The following ST8SIA6 variants were observed in gnomAD, a reference collection of about 807,000 sequenced individuals.
The protein encoded by ST8SIA6 is ST8 alpha-N-acetyl-neuraminide alpha-2,8-sialyltransferase 6, also known as alpha-2,8-sialyltransferase 8F.
A neutral mutation model predicts 33.6 loss-of-function variants in ST8SIA6; 39 were observed. The ratio of observed to expected loss-of-function variants is 1.16; its 90% CI spans 0.90 to 1.52. ST8SIA6 has a LOEUF of 1.52. Ranked by LOEUF, ST8SIA6 falls within the 40% of genes most tolerant of loss-of-function variation. The pLI is 0.00. For missense variants in ST8SIA6, 441 were observed against 443.8 expected (o/e 0.99, Z 0.06); for synonymous variants, 172 against 167.2 (o/e 1.03, Z -0.22).
At chr10:17,398,485 G>A (rs770351668) in intron 2 of ST8SIA6, among the ~76,000 whole-genome samples, 2 of 152,090 alleles carry the variant, frequency 1.3e-5, no homozygotes, top group African/African-American at 2.4e-5. Context: ...TATATGACTC[G>A]TAATTAATAC....
intron 2 of ST8SIA6, among the ~76,000 whole-genome samples, chr10:17,417,384 A>C (rs1369895143): frequency 6.6e-6 from 1 of 152,020 alleles, no homozygotes; most frequent in African/African-American, 2.4e-5. Flanking sequence ...TCTGCTTCTC[A>C]AATATGCCAT....
intron 3 of ST8SIA6, among the ~76,000 whole-genome samples, chr10:17,374,016 TA>T (rs1849811528): frequency 6.6e-6 from 1 of 151,398 alleles, no homozygotes; most frequent in Non-Finnish European, 1.5e-5. Context: ...TACCAAGTGT[TA>T]ATTAAGGAAT....
At chr10:17,400,393 G>T (rs190375570) in intron 2 of ST8SIA6, among the ~76,000 whole-genome samples, 1 of 152,304 alleles carries the variant, frequency 6.6e-6, no homozygotes, top group South Asian at 2.1e-4. Flanking sequence ...TTAGCCAGGC[G>T]TGGTGGCACA....
intron 2 of ST8SIA6, among the ~76,000 whole-genome samples, chr10:17,433,946 A>G (rs1852175854): frequency 1.3e-5 from 2 of 151,936 alleles, no homozygotes; most frequent in South Asian, 2.1e-4. Flanking sequence ...TTGTTCTTAT[A>G]TCCTTAAGCC....
At chr10:17,365,139 T>C (rs920218200) in intron 3 of ST8SIA6, among the ~76,000 whole-genome samples, 3 of 152,242 alleles carry the variant, frequency 2.0e-5, no homozygotes, top group Non-Finnish European at 4.4e-5. Flanking sequence ...CAGCAAGTTA[T>C]GTTCAAAAGA....
chr10:17,364,283 A>C (rs565849820), intron 3 of ST8SIA6, among the ~76,000 whole-genome samples: 4 of 152,206 alleles, frequency 2.6e-5, no homozygotes, highest in Non-Finnish European at 5.9e-5. Context: ...ATTTAACCTA[A>C]TATTGAAAGA....
intron 4 of ST8SIA6, among the ~76,000 whole-genome samples, chr10:17,344,263 T>G (rs1848765474): frequency 6.6e-6 from 1 of 152,194 alleles, no homozygotes; most frequent in African/African-American, 2.4e-5. Context: ...ATTAGTAAGA[T>G]TTCACGCTGC....
chr10:17,348,350 CTG>C (rs1320967663), intron 4 of ST8SIA6, among the ~76,000 whole-genome samples: 3 of 151,658 alleles, frequency 2.0e-5, no homozygotes, highest in Admixed American at 6.6e-5. Context: ...ATATGCTACT[CTG>C]TGAAACATTT....
At chr10:17,373,364 T>C (rs1849794021) in intron 3 of ST8SIA6, among the ~76,000 whole-genome samples, 1 of 152,188 alleles carries the variant, frequency 6.6e-6, no homozygotes, top group Non-Finnish European at 1.5e-5. Flanking sequence ...ATATAGCACA[T>C]GCATTTGACT....
chr10:17,352,876 G>A (rs1849078951), intron 4 of ST8SIA6, among the ~76,000 whole-genome samples: 1 of 152,090 alleles, frequency 6.6e-6, no homozygotes. Flanking sequence ...CTGAAAAATG[G>A]TCTTGATGCA....
In ST8SIA6 at chr10:17,449,526, G is replaced by A. The variant is rs566166408; in HGVS notation, c.200+4033C>T. 4.6e-5 allele frequency among the ~76,000 whole-genome samples: 7 copies of A among 152,318 alleles called. No homozygotes were observed. The South Asian group carries it at 1.4e-3, about 32-fold the overall frequency. On this transcript the variant is annotated intron_variant, in intron 2 of 7. Coordinates refer to ENST00000377602, the MANE Select transcript of ST8SIA6 (RefSeq NM_001004470.3). ...TTCCTGAAAGAATGCAAAAAGAGAA[G>A]ATAAGGTAATAATCCACTTTAGACA...
rs530306011 is a variant in ST8SIA6 at position 17,454,496 on chromosome 10, C to T, written c.-241G>A. On this transcript the variant is annotated 5_prime_UTR_variant, in exon 1 of 8. Transcript: ENST00000377602. The surrounding 1 kb of genome is among the most constrained non-coding windows in gnomAD (Gnocchi z 4.1). ...CTCCCGGCCCCGGCCCGCGGAGCGC[C>T]GCGATCGGCTGGCAGATGACGATTC... 2.0e-5 allele frequency among the ~76,000 whole-genome samples: 3 copies of T among 151,930 alleles called. No homozygotes were observed. The highest frequency in any genetic ancestry group is 3.9e-4 in the East Asian group (2 of 5,156).
intron 2 of ST8SIA6, among the ~76,000 whole-genome samples, chr10:17,424,602 C>T (rs957680098): frequency 2.0e-5 from 3 of 152,072 alleles, no homozygotes; most frequent in Non-Finnish European, 4.4e-5. Flanking sequence ...CAGGATATTT[C>T]GACAGGTCTA....
Position 17,319,068 on chromosome 10 carries a change from C to T in ST8SIA6, c.*1810G>A, listed in dbSNP as rs1394491346. Among the ~76,000 whole-genome samples the T allele has an allele frequency of 6.6e-6, 1 of 152,124 alleles. No homozygotes were observed. Among genetic ancestry groups the T allele is most frequent in the Non-Finnish European group, 1.5e-5 (1 of 68,016 alleles). ...AACAATGGCCAACAACCCCAATCTGCTGTGAAATCACAACTATAGACCCAC... is the reference window on the plus strand; with the variant it reads ...AACAATGGCCAACAACCCCAATCTGTTGTGAAATCACAACTATAGACCCAC... On this transcript the variant is annotated 3_prime_UTR_variant, in exon 8 of 8. Transcript: ENST00000377602.
chr10:17,400,296 G>A (rs1039334320), intron 2 of ST8SIA6, among the ~76,000 whole-genome samples: 2 of 152,166 alleles, frequency 1.3e-5, no homozygotes, highest in Non-Finnish European at 2.9e-5. Context: ...ACTTTGGGAG[G>A]CCGAGGTTGG....
At chr10:17,419,648 A>T (rs1266472163) in intron 2 of ST8SIA6, among the ~76,000 whole-genome samples, 3 of 152,246 alleles carry the variant, frequency 2.0e-5, no homozygotes, top group Non-Finnish European at 2.9e-5. Flanking sequence ...TTGAAAAGGA[A>T]GTCATAGACA....
intron 4 of ST8SIA6, among the ~76,000 whole-genome samples, chr10:17,350,725 G>T (rs1434638707): frequency 1.3e-5 from 2 of 151,852 alleles, no homozygotes; most frequent in African/African-American, 2.4e-5. Context: ...TGGTACATTG[G>T]GAAAAATCCC....
intron 2 of ST8SIA6, among the ~76,000 whole-genome samples, chr10:17,411,045 C>T (rs1851429876): frequency 6.6e-6 from 1 of 152,168 alleles, no homozygotes; most frequent in African/African-American, 2.4e-5. Context: ...ACACACAAAA[C>T]AGTGATCCTC....
chr10:17,400,736 A>G (rs1014200071), intron 2 of ST8SIA6, among the ~76,000 whole-genome samples: 23 of 152,232 alleles, frequency 1.5e-4, no homozygotes, highest in African/African-American at 2.2e-4. Flanking sequence ...ACAGCCCTTC[A>G]TGCTAAAATA....
Sources: allele counts gnomAD v4.1 joint callset (sites outside exome capture counted in the v4.1 genomes callset), GRCh38; gene constraint gnomAD v4.1.1; non-coding constraint Gnocchi (gnomAD v3.1); transcripts MANE v1.5; gene names NCBI Gene and HGNC (gene_info 2026-07-23, HGNC 2026-07-21).